ERO1B: variants seen among roughly 807,000 people sequenced by gnomAD.
The protein encoded by ERO1B is ERO1-like protein beta.
ERO1B carries 49 observed loss-of-function variants against 75.3 expected under a neutral mutation model. The observed-to-expected ratio is 0.65, with a 90% CI of 0.52 to 0.83. ERO1B has a LOEUF of 0.83. Among genes scored for constraint, ERO1B ranks in the 40% least tolerant of loss-of-function variants. The probability of loss-of-function intolerance (pLI) is 0.00; values close to 1 mark genes in which losing one functional copy is unlikely to be tolerated. For synonymous variants in ERO1B, 191 were observed against 192.9 expected (o/e 0.99, Z 0.08); for missense variants, 512 against 560.1 (o/e 0.91, Z 0.87).
In ERO1B at chr1:236,239,165, A is replaced by C. The variant is rs80235438; in HGVS notation, c.506-2767T>G. ...TAATGTTTATTCCCTTAGTTTAATC[A>C]ATACTTTTTAAAAAAATCTTGTAAT... On this transcript the variant is annotated intron_variant, in intron 6 of 15. Transcript: ENST00000354619. 5.2e-3 allele frequency among the ~76,000 whole-genome samples: 794 copies of C among 152,266 alleles called. 8 individuals are homozygous for C. The highest frequency in any genetic ancestry group is 0.018 in the African/African-American group (766 of 41,534).
At chr1:236,238,729 T>C (rs1277541782) in intron 6 of ERO1B, among the ~76,000 whole-genome samples, 1 of 151,714 alleles carries the variant, frequency 6.6e-6, no homozygotes, top group Non-Finnish European at 1.5e-5. Context: ...TATTATATAT[T>C]TATAAATAAT....
chr1:236,250,693 T>C (rs1222958314), intron 4 of ERO1B, among the ~76,000 whole-genome samples: 8 of 130,918 alleles, frequency 6.1e-5, no homozygotes, highest in African/African-American at 2.2e-4. Flanking sequence ...ATAAAAGTTA[T>C]ATATACACAC....
Position 236,220,866 on chromosome 1 carries a change from G to A in ERO1B, c.1309C>T (p.Gln437Ter), listed in dbSNP as rs766312320. The change falls in exon 15 of 16, where the codon CAG (glutamine) becomes TAG (stop). Residue 437 changes from glutamine to a stop codon, truncating the protein, a stop_gained. Coordinates refer to ENST00000354619, the MANE Select transcript of ERO1B (RefSeq NM_019891.4). LOFTEE classifies it high-confidence loss of function. ...SPSKGFQLTR[Q>*]EIVALLNAFG... ...GCATTTAAAAGAGCAACTATTTCCT[G>A]TCGGGTGAGTTGGAAGCCTTTAGAT... 19 of 1,588,870 alleles carry A rather than the reference G, an allele frequency of 1.2e-5. No individual in the cohort carries two copies. The East Asian group carries it at 4.1e-4, about 34-fold the overall frequency.
At position 236,234,793 on chromosome 1, in the gene ERO1B, TG is replaced by T. The variant is rs561493931; in HGVS notation, c.673+995del. Among the ~76,000 whole-genome samples, 161 of 152,302 alleles carry T rather than the reference TG, an allele frequency of 1.1e-3. 3 individuals carry two copies. The South Asian group carries it at 0.018, about 17-fold the overall frequency. ...AACACTCCCCGTCTAAAGAAAACAC[TG>T]GAATGGCAGGTCAATGACAGAGTTG... On this transcript the variant is annotated intron_variant, in intron 8 of 15. Transcript: ENST00000354619.
intron 2 of ERO1B, among the ~76,000 whole-genome samples, chr1:236,254,297 C>T (rs1329880476): frequency 1.3e-5 from 2 of 152,184 alleles, no homozygotes. Flanking sequence ...TCTTGTTCCC[C>T]ATCAAACAAT....
intron 13 of ERO1B, among the ~76,000 whole-genome samples, chr1:236,224,453 A>G (rs910106323): frequency 2.3e-4 from 29 of 126,664 alleles, no homozygotes; most frequent in Admixed American, 7.3e-4. Context: ...CCATCTCAAA[A>G]AATAAATTTA....
At chr1:236,252,658 G>A (rs570774227) in intron 3 of ERO1B, among the ~76,000 whole-genome samples, 1 of 152,226 alleles carries the variant, frequency 6.6e-6, no homozygotes, top group East Asian at 1.9e-4. Context: ...TTTAATAAAT[G>A]TATCTGAATT....
intron 2 of ERO1B, among the ~76,000 whole-genome samples, chr1:236,268,708 A>T (rs532535213): frequency 1.5e-4 from 23 of 151,820 alleles, no homozygotes; most frequent in African/African-American, 1.2e-4. Context: ...AACATGGTGA[A>T]ACCCCGTCTC....
intron 1 of ERO1B, among the ~76,000 whole-genome samples, chr1:236,276,298 T>C (rs1406109404): frequency 6.6e-6 from 1 of 152,210 alleles, no homozygotes; most frequent in Non-Finnish European, 1.5e-5. Flanking sequence ...AGACTAACAC[T>C]GAGAGTCCAC....
At chr1:236,228,896 T>G (rs2102941836) in intron 10 of ERO1B, among the ~76,000 whole-genome samples, 1 of 152,332 alleles carries the variant, frequency 6.6e-6, no homozygotes, top group South Asian at 2.1e-4. Flanking sequence ...TGATATAATA[T>G]ACATAGAATC....
Position 236,236,404 on chromosome 1 carries a change from CA to C in ERO1B, c.506-7del. On this transcript the variant is annotated splice_polypyrimidine_tract_variant and splice_region_variant and intron_variant, in intron 6 of 15. Coordinates refer to ENST00000354619, the MANE Select transcript of ERO1B (RefSeq NM_019891.4). ...AGCAGCTGGAGATCTCTCATCTGAA[CA>C]AGAAAAAATTCATAAAAACCATCCA... The C allele has an allele frequency of 6.2e-7, 1 of 1,612,640 alleles. No homozygotes were observed. The highest frequency in any genetic ancestry group is 8.5e-7 in the Non-Finnish European group (1 of 1,179,510).
intron 6 of ERO1B, among the ~76,000 whole-genome samples, chr1:236,236,878 C>T (rs1014951613): frequency 8.5e-5 from 13 of 152,204 alleles, no homozygotes; most frequent in South Asian, 6.2e-4. Flanking sequence ...ATGAAGTAAA[C>T]GGCTCCATAA....
At chr1:236,251,556 G>T (rs60268406) in intron 4 of ERO1B, 3 of 647,254 alleles carry the variant, frequency 4.6e-6, no homozygotes, top group Non-Finnish European at 5.8e-6. Context: ...TTATGGATGC[G>T]CAGTAGTGAA....
chr1:236,223,538 G>T (rs1338288449), intron 13 of ERO1B, among the ~76,000 whole-genome samples: 2 of 152,174 alleles, frequency 1.3e-5, no homozygotes, highest in African/African-American at 4.8e-5. Flanking sequence ...TCCTGTGCTG[G>T]TCATATTCTC....
intron 5 of ERO1B, among the ~76,000 whole-genome samples, chr1:236,249,309 A>C (rs1705028257): frequency 6.6e-6 from 1 of 152,182 alleles, no homozygotes; most frequent in African/African-American, 2.4e-5. Context: ...TACAGGCATG[A>C]GCCACCATGC....
At chr1:236,219,904 G>C (rs1196208033) in intron 15 of ERO1B, among the ~76,000 whole-genome samples, 1 of 151,716 alleles carries the variant, frequency 6.6e-6, no homozygotes, top group East Asian at 1.9e-4. Context: ...TGTGTCCGTA[G>C]TCCCAGCTAC....
At chr1:236,268,312 C>T (rs1040667376) in intron 2 of ERO1B, among the ~76,000 whole-genome samples, 4 of 151,922 alleles carry the variant, frequency 2.6e-5, no homozygotes, top group African/African-American at 7.3e-5. Context: ...TGGTGGTGGG[C>T]GCCTGTAATC....
intron 4 of ERO1B, chr1:236,251,345 C>A: frequency 5.2e-6 from 1 of 193,084 alleles, no homozygotes; most frequent in Non-Finnish European, 9.5e-6. Flanking sequence ...AAATGGTTAG[C>A]TCTGGGAGGA....
At chr1:236,241,091 C>T (rs2695057) in intron 6 of ERO1B, among the ~76,000 whole-genome samples, 36,799 of 151,946 alleles carry the variant, frequency 0.24, 4,638 homozygotes, top group East Asian at 0.38. Context: ...GATCATCTTC[C>T]ATTCAAATGA....
Sources: allele counts gnomAD v4.1 joint callset (sites outside exome capture counted in the v4.1 genomes callset), GRCh38; gene constraint gnomAD v4.1.1; transcripts MANE v1.5; gene names NCBI Gene and HGNC (gene_info 2026-07-23, HGNC 2026-07-21).